NIPAL2: variants seen among roughly 807,000 people sequenced by gnomAD.
The protein encoded by NIPAL2 is NIPA-like protein 2.
Under a neutral mutation model 48.9 loss-of-function variants are expected in NIPAL2, and 43 were observed. The ratio of observed to expected loss-of-function variants is 0.88; its 90% CI spans 0.69 to 1.13. NIPAL2 has a LOEUF of 1.13. Among genes scored for constraint, NIPAL2 ranks in the 50% most tolerant of loss-of-function variants. The probability of loss-of-function intolerance (pLI) is 0.00; values close to 1 mark genes in which losing one functional copy is unlikely to be tolerated. For synonymous variants in NIPAL2, 167 were observed against 174.6 expected (o/e 0.96, Z 0.34); for missense variants, 446 against 461.4 (o/e 0.97, Z 0.31).
chr8:98,253,307 G>A (rs943656117), intron 2 of NIPAL2, among the ~76,000 whole-genome samples: 3 of 152,114 alleles, frequency 2.0e-5, no homozygotes, highest in African/African-American at 4.8e-5. Context: ...ATTCCCTGAG[G>A]ATAAGAGGGA....
At position 98,203,096 on chromosome 8, in the gene NIPAL2, AC is replaced by A. The variant is rs999238752; in HGVS notation, c.880+11del. On this transcript the variant is annotated intron_variant, in intron 8 of 10. Coordinates refer to ENST00000430223, the MANE Select transcript of NIPAL2 (RefSeq NM_001321635.2). ...GCTTGGAATCACCAATGTATAGAAA[AC>A]CAAAACTCACCTGCAATGATGGCAC... 14 of 1,603,474 alleles carry A rather than the reference AC, an allele frequency of 8.7e-6. No homozygotes were observed. In the African/African-American group the frequency reaches 1.5e-4, roughly 17 times the overall value.
chr8:98,205,783 G>A (rs1811003927), intron 6 of NIPAL2, among the ~76,000 whole-genome samples: 1 of 152,156 alleles, frequency 6.6e-6, no homozygotes, highest in Non-Finnish European at 1.5e-5. Flanking sequence ...GTTGTACTAA[G>A]TCTATATGTG....
chr8:98,282,768 G>T (rs1455159542), intron 1 of NIPAL2, among the ~76,000 whole-genome samples: 1 of 152,150 alleles, frequency 6.6e-6, no homozygotes, highest in African/African-American at 2.4e-5. Context: ...TTACTGGGTG[G>T]GTTGTGCTAT....
In NIPAL2 at chr8:98,240,320, G is replaced by A. The variant is rs117530362; in HGVS notation, c.377-4106C>T. Among the ~76,000 whole-genome samples the A allele has an allele frequency of 1.1e-4, 17 of 152,142 alleles. No homozygotes were observed. In the East Asian group the frequency reaches 3.1e-3, roughly 28 times the overall value. ...GTGCTTTATTAAAAAGTACTTTTTC[G>A]GGGGGAAAACTGATGTAAGAAAAAC... On this transcript the variant is annotated intron_variant, in intron 3 of 10. Coordinates refer to ENST00000430223, the MANE Select transcript of NIPAL2 (RefSeq NM_001321635.2).
chr8:98,290,760 A>G (rs1816448469), intron 1 of NIPAL2, among the ~76,000 whole-genome samples: 1 of 152,194 alleles, frequency 6.6e-6, no homozygotes, highest in Non-Finnish European at 1.5e-5. Context: ...AAAAATGCAT[A>G]TGGGGGTCAG....
intron 1 of NIPAL2, among the ~76,000 whole-genome samples, chr8:98,264,115 T>C (rs1586437473): frequency 6.6e-6 from 1 of 152,232 alleles, no homozygotes; most frequent in East Asian, 1.9e-4. Flanking sequence ...AATTAGGTAT[T>C]GATGGGATGT....
chr8:98,232,680 T>A lies in NIPAL2; in HGVS notation c.436+3475A>T, dbSNP rs576810295. On this transcript the variant is annotated intron_variant, in intron 4 of 10. Coordinates refer to ENST00000430223, the MANE Select transcript of NIPAL2 (RefSeq NM_001321635.2). ...ACATAAGGTTCCTCTAGTGTGGTCT[T>A]AAAAAAGAAAAAAGAGAAAGGTTAT... Among the ~76,000 whole-genome samples, 43 of 152,166 alleles carry A rather than the reference T, an allele frequency of 2.8e-4. 1 individual carries two copies. Among genetic ancestry groups the A allele is most frequent in the Admixed American group, 8.5e-4 (13 of 15,280 alleles).
At chr8:98,197,650 C>A (rs193127036) in intron 8 of NIPAL2, among the ~76,000 whole-genome samples, 1 of 152,224 alleles carries the variant, frequency 6.6e-6, no homozygotes, top group African/African-American at 2.4e-5. Context: ...TATTCTAAAT[C>A]CTTTGTTTTC....
intron 6 of NIPAL2, among the ~76,000 whole-genome samples, chr8:98,211,752 G>GTGTGTGTGTA (rs1466261552): frequency 6.6e-6 from 1 of 151,070 alleles, no homozygotes; most frequent in Non-Finnish European, 1.5e-5. Context: ...GTGTGTGTGT[G>GTGTGTGTGTA]TGTGTGTGTG....
At chr8:98,280,761 T>TATATATATATAGAGAGAGAG in intron 1 of NIPAL2, among the ~76,000 whole-genome samples, 325 of 30,000 alleles carry the variant, frequency 0.011, 7 homozygotes, top group Non-Finnish European at 0.016. Context: ...TATATATATA[T>TATATATATATAGAGAGAGAG]AGAGAGAGAG....
intron 1 of NIPAL2, among the ~76,000 whole-genome samples, chr8:98,271,630 C>A (rs191229082): frequency 6.6e-6 from 1 of 152,042 alleles, no homozygotes; most frequent in Non-Finnish European, 1.5e-5. Context: ...AGAGTCATAT[C>A]GTCAGTGAAG....
chr8:98,237,131 A>T lies in NIPAL2; in HGVS notation c.377-917T>A, dbSNP rs111729265. On this transcript the variant is annotated intron_variant, in intron 3 of 10. Coordinates refer to ENST00000430223, the MANE Select transcript of NIPAL2 (RefSeq NM_001321635.2). ...GCTGGAGTGCAGTGGCAAGATCATA[A>T]CTCACTGCAACATTGGACTCCTAGG... 5.9e-4 allele frequency among the ~76,000 whole-genome samples: 90 copies of T among 151,816 alleles called. 1 individual carries two copies. The South Asian group carries it at 0.016, about 26-fold the overall frequency.
intron 8 of NIPAL2, among the ~76,000 whole-genome samples, chr8:98,198,795 G>T (rs983018384): frequency 1.3e-5 from 2 of 152,148 alleles, no homozygotes; most frequent in African/African-American, 2.4e-5. Flanking sequence ...CTCTGGTTTA[G>T]GTGTTGGCTT....
chr8:98,205,061 A>G, intron 7 of NIPAL2, 50 bp downstream of exon 7: 1 of 1,592,626 alleles, frequency 6.3e-7, no homozygotes, highest in Non-Finnish European at 8.6e-7. Flanking sequence ...TAATGCCCAG[A>G]GAAGCACCGG....
intron 1 of NIPAL2, among the ~76,000 whole-genome samples, chr8:98,275,980 A>C (rs1269179287): frequency 6.6e-6 from 1 of 152,186 alleles, no homozygotes; most frequent in Non-Finnish European, 1.5e-5. Flanking sequence ...CAAAATTGAG[A>C]GGAAGGTACA....
intron 4 of NIPAL2, among the ~76,000 whole-genome samples, chr8:98,223,701 C>A (rs1240495120): frequency 6.6e-6 from 1 of 152,280 alleles, no homozygotes; most frequent in East Asian, 1.9e-4. Flanking sequence ...AAAAGCTAGA[C>A]AACAGCAATT....
At chr8:98,213,784 G>C (rs1811436690) in intron 5 of NIPAL2, among the ~76,000 whole-genome samples, 1 of 152,036 alleles carries the variant, frequency 6.6e-6, no homozygotes. Context: ...TCACTCTTCT[G>C]ATCTAACAGA....
At position 98,195,972 on chromosome 8, in the gene NIPAL2, G is replaced by A; in HGVS notation, c.914C>T (p.Pro305Leu). The A allele has an allele frequency of 6.3e-7, 1 of 1,587,752 alleles. No homozygotes were observed. The highest frequency in any genetic ancestry group is 1.1e-5 in the South Asian group (1 of 88,522). ...IIFYQEFLGA[P>L]FLTVFIYLFG... ...AAGATATATAAATACAGTGAGAAAAGGAGCACCAAGGAATTCCTGATAAAA... is the reference window on the plus strand; with the variant it reads ...AAGATATATAAATACAGTGAGAAAAAGAGCACCAAGGAATTCCTGATAAAA... The change falls in exon 9 of 11, where the codon CCT becomes CTT. Residue 305 changes from proline (P) to leucine (L), a missense_variant. Coordinates refer to ENST00000430223, the MANE Select transcript of NIPAL2 (RefSeq NM_001321635.2).
intron 4 of NIPAL2, among the ~76,000 whole-genome samples, chr8:98,224,757 T>TTTTC (rs1554566247): frequency 1.0e-4 from 14 of 136,980 alleles, no homozygotes; most frequent in African/African-American, 4.1e-4. Flanking sequence ...TTTCTTTTCT[T>TTTTC]TTTTTTTTTT....
Sources: gnomAD v4.1 joint callset for allele counts (sites outside exome capture counted in the v4.1 genomes callset) on GRCh38, gnomAD v4.1.1 for gene constraint, MANE v1.5 for transcripts, NCBI Gene and HGNC (gene_info 2026-07-23, HGNC 2026-07-21) for gene names.